Variants in DACH2 observed in about 807,000 individuals in gnomAD.
DACH2 encodes dachshund homolog 2.
Under a neutral mutation model 35.8 loss-of-function variants are expected in DACH2, and 17 were observed. The observed-to-expected ratio is 0.48, with a 90% CI of 0.33 to 0.71. DACH2 has a LOEUF of 0.71. Among genes scored for constraint, DACH2 ranks in the 30% least tolerant of loss-of-function variants. The pLI is 0.02. For synonymous variants in DACH2, 195 were observed against 177.3 expected, an observed-to-expected ratio of 1.10 and a Z score of -0.79; for missense variants, 469 against 472.7, an observed-to-expected ratio of 0.99 and a Z score of 0.07.
intron 7 of DACH2, among the ~76,000 whole-genome samples, chrX:86,793,615 T>C (rs1021963952): frequency 1.8e-5 from 2 of 111,848 alleles, no homozygotes; most frequent in African/African-American, 6.5e-5. Context: ...ATTTCCAAAT[T>C]TCAATTCCAA....
intron 2 of DACH2, among the ~76,000 whole-genome samples, chrX:86,452,757 T>A (rs1015832039): frequency 1.1e-4 from 12 of 111,127 alleles, no homozygotes; most frequent in Non-Finnish European, 1.7e-4. Flanking sequence ...ATTAATTTTT[T>A]AAAAAATCAG....
Position 86,529,717 on chromosome X carries a change from C to T in DACH2, c.640+15326C>T, listed in dbSNP as rs2038686133. 6.4e-5 allele frequency among the ~76,000 whole-genome samples: 7 copies of T among 109,870 alleles called. No individual in the cohort carries two copies. In the South Asian group the frequency reaches 2.8e-3, roughly 43 times the overall value. On this transcript the variant is annotated intron_variant, in intron 3 of 11. Transcript: ENST00000373125. ...TCAATCTCCTGACCTCGTGATCCAC[C>T]TGCCCCGGCCTCCCAAAGTGCTGGG...
intron 7 of DACH2, among the ~76,000 whole-genome samples, chrX:86,776,931 G>A (rs1252386428): frequency 8.9e-6 from 1 of 111,792 alleles, no homozygotes; most frequent in Non-Finnish European, 1.9e-5. Flanking sequence ...TGTTTTTTAT[G>A]GCTGCATAAT....
intron 3 of DACH2, among the ~76,000 whole-genome samples, chrX:86,569,587 G>T (rs1259301424): frequency 1.8e-5 from 2 of 110,959 alleles, no homozygotes; most frequent in East Asian, 2.9e-4. Context: ...TGAAAGTCAA[G>T]CTCATCTTCA....
intron 4 of DACH2, among the ~76,000 whole-genome samples, chrX:86,661,547 G>A (rs966996140): frequency 8.0e-5 from 9 of 112,322 alleles, no homozygotes; most frequent in Non-Finnish European, 1.3e-4. Flanking sequence ...ATGAGATTCC[G>A]TTTATGAAAA....
intron 3 of DACH2, among the ~76,000 whole-genome samples, chrX:86,538,271 G>T (rs1569432802): frequency 9.0e-6 from 1 of 111,233 alleles, no homozygotes; most frequent in African/African-American, 3.3e-5. Flanking sequence ...ATCTCTAAAA[G>T]ATTCAGAATT....
In DACH2 at chrX:86,546,928, C is replaced by G. The variant is rs1392106423; in HGVS notation, c.640+32537C>G. Reference sequence around the variant, plus strand: ...GGTTATAAGCCTTCTGAACTGCGCCCATTTTCACTTGTTTTTAATGATTAG... The same window carrying G: ...GGTTATAAGCCTTCTGAACTGCGCCGATTTTCACTTGTTTTTAATGATTAG... On this transcript the variant is annotated intron_variant, in intron 3 of 11. Transcript: ENST00000373125. Among the ~76,000 whole-genome samples, 5 of 110,662 alleles carry G rather than the reference C, an allele frequency of 4.5e-5. No individual in the cohort carries two copies. The South Asian group carries it at 1.9e-3, about 43-fold the overall frequency.
At chrX:86,612,125 C>T (rs1449841875) in intron 3 of DACH2, among the ~76,000 whole-genome samples, 3 of 108,093 alleles carry the variant, frequency 2.8e-5, no homozygotes, top group African/African-American at 1.0e-4. Context: ...CCTTCTTGCC[C>T]GGGTTGTGTA....
At chrX:86,242,522 C>T (rs1445565219) in intron 1 of DACH2, among the ~76,000 whole-genome samples, 1 of 111,932 alleles carries the variant, frequency 8.9e-6, no homozygotes, top group Non-Finnish European at 1.9e-5. Context: ...AAGGACTTGC[C>T]TTGTCTCAGA....
At chrX:86,480,519 A>C (rs763715105) in intron 2 of DACH2, among the ~76,000 whole-genome samples, 2 of 111,858 alleles carry the variant, frequency 1.8e-5, no homozygotes, top group Non-Finnish European at 3.8e-5. Flanking sequence ...ACAATCAGTA[A>C]GTGGTGAAGC....
At chrX:86,156,293 C>T (rs2030542242) in intron 1 of DACH2, among the ~76,000 whole-genome samples, 1 of 111,269 alleles carries the variant, frequency 9.0e-6, no homozygotes, top group South Asian at 3.7e-4. Flanking sequence ...GTTCATTAAG[C>T]CTAATGTTCT....
chrX:86,293,287 C>T (rs1434862569), intron 1 of DACH2, among the ~76,000 whole-genome samples: 2 of 110,142 alleles, frequency 1.8e-5, no homozygotes, highest in Non-Finnish European at 3.8e-5. Context: ...TTGGTAGATC[C>T]TCCTCCATCC....
intron 2 of DACH2, among the ~76,000 whole-genome samples, chrX:86,427,316 A>T (rs1425355291): frequency 9.0e-6 from 1 of 111,228 alleles, no homozygotes; most frequent in Non-Finnish European, 1.9e-5. Flanking sequence ...ATTGTGGAAA[A>T]TTTTTTATAA....
intron 1 of DACH2, among the ~76,000 whole-genome samples, chrX:86,216,530 G>T (rs1386117530): frequency 9.0e-6 from 1 of 111,398 alleles, no homozygotes; most frequent in Non-Finnish European, 1.9e-5. Flanking sequence ...CCCTGCAAAA[G>T]ACATGAACTC....
chrX:86,800,649 CT>C (rs1413820129), intron 7 of DACH2, among the ~76,000 whole-genome samples: 1 of 111,050 alleles, frequency 9.0e-6, no homozygotes, highest in African/African-American at 3.3e-5. Context: ...GAAGCAACAG[CT>C]TTTTTTGTTT....
intron 3 of DACH2, among the ~76,000 whole-genome samples, chrX:86,628,291 A>G (rs2040160200): frequency 8.9e-6 from 1 of 112,446 alleles, no homozygotes. Context: ...GAAGTATTTC[A>G]TTCCACTTAG....
intron 3 of DACH2, among the ~76,000 whole-genome samples, chrX:86,622,056 A>T (rs1191519767): frequency 2.7e-5 from 3 of 111,627 alleles, no homozygotes; most frequent in African/African-American, 9.7e-5. Context: ...AATGAAAAAA[A>T]CTTGTTTACA....
At chrX:86,611,970 T>A (rs746291632) in intron 3 of DACH2, among the ~76,000 whole-genome samples, 1 of 109,422 alleles carries the variant, frequency 9.1e-6, no homozygotes, top group East Asian at 2.9e-4. Context: ...TGTGTGTGTG[T>A]GTGTGTGTGT....
intron 7 of DACH2, among the ~76,000 whole-genome samples, chrX:86,760,363 A>G (rs2041868184): frequency 8.9e-6 from 1 of 111,879 alleles, no homozygotes; most frequent in Non-Finnish European, 1.9e-5. Context: ...ATCATTTCCC[A>G]TATGCCATAT....
Sources: gnomAD v4.1 joint callset for allele counts (sites outside exome capture counted in the v4.1 genomes callset) on GRCh38, gnomAD v4.1.1 for gene constraint, MANE v1.5 for transcripts, NCBI Gene and HGNC (gene_info 2026-07-23, HGNC 2026-07-21) for gene names.